PLAC8: variants seen among roughly 807,000 people sequenced by gnomAD.
PLAC8 encodes the protein placenta-specific gene 8 protein.
PLAC8 carries 6 observed loss-of-function variants against 12.6 expected under a neutral mutation model. The observed-to-expected ratio is 0.48, with a 90% CI of 0.26 to 0.94. PLAC8 has a LOEUF of 0.94. Among genes scored for constraint, PLAC8 ranks in the 40% least tolerant of loss-of-function variants. PLAC8 has a pLI of 0.14. For missense variants in PLAC8, 122 were observed against 152.7 expected, an observed-to-expected ratio of 0.80 and a Z score of 1.06; for synonymous variants, 54 against 52.6, an observed-to-expected ratio of 1.03 and a Z score of -0.11.
At chr4:83,103,277 C>T (rs867792921) in intron 3 of PLAC8, among the ~76,000 whole-genome samples, 16 of 151,864 alleles carry the variant, frequency 1.1e-4, no homozygotes, top group African/African-American at 1.5e-4. Flanking sequence ...TACCTGTAAT[C>T]TCAGCTACTC....
Position 83,093,453 on chromosome 4 carries a change from ATTATGCCATCCC to A in PLAC8, c.*9+1213_*9+1224del, listed in dbSNP as rs1239412546. ...CCCTGGGGCTGTTGCCAGGCAGGTT[ATTATGCCATCCC>A]TTGTCATCTCCCTACAATGCCCCAC... On this transcript the variant is annotated intron_variant, in intron 4 of 4. Coordinates refer to ENST00000311507, the MANE Select transcript of PLAC8 (RefSeq NM_016619.3). 3 of 152,296 alleles carry A rather than the reference ATTATGCCATCCC, an allele frequency of 2.0e-5. No individual in the cohort carries two copies. In the East Asian group the frequency reaches 5.8e-4, roughly 29 times the overall value. 9.4% of individuals were successfully genotyped at this position (152,296 alleles called of 1,614,324 possible).
intron 3 of PLAC8, among the ~76,000 whole-genome samples, chr4:83,103,568 A>G (rs1484165758): frequency 1.3e-5 from 2 of 152,210 alleles, no homozygotes; most frequent in Non-Finnish European, 2.9e-5. Context: ...AAGAAGTTCT[A>G]TTGTAGGTAA....
At chr4:83,109,365 G>T (rs991243646) in intron 1 of PLAC8, among the ~76,000 whole-genome samples, 1 of 152,094 alleles carries the variant, frequency 6.6e-6, no homozygotes, top group Non-Finnish European at 1.5e-5. Context: ...CATAATAGCC[G>T]TTCACTGCTT....
At position 83,104,906 on chromosome 4, in the gene PLAC8, T is replaced by C. The variant is rs1248423639; in HGVS notation, c.233A>G (p.Tyr78Cys). 6.2e-7 allele frequency: 1 copy of C among 1,613,998 alleles called. No individual in the cohort carries two copies. Among genetic ancestry groups the C allele is most frequent in the African/African-American group, 1.3e-5 (1 of 74,918 alleles). Residue 78 changes from tyrosine (Y) to cysteine (C), a missense_variant, in exon 3 of 5, where the codon TAT becomes TGT. Transcript: ENST00000311507. ...VAMRTLYRTR[Y>C]GIPGSICDDY... ...TGGTAAGAGACTCACAGGGATGCCATATCGGGTCCTGTAGAGAGTCCTCAT... is the reference window on the plus strand; with the variant it reads ...TGGTAAGAGACTCACAGGGATGCCACATCGGGTCCTGTAGAGAGTCCTCAT...
intron 1 of PLAC8, among the ~76,000 whole-genome samples, chr4:83,109,458 G>A (rs1732349372): frequency 1.3e-5 from 2 of 152,282 alleles, no homozygotes; most frequent in South Asian, 4.1e-4. Context: ...TCCAGTAAGT[G>A]AACAAAAAAC....
intron 3 of PLAC8, among the ~76,000 whole-genome samples, chr4:83,096,997 G>A (rs955517519): frequency 5.3e-5 from 8 of 152,170 alleles, no homozygotes; most frequent in African/African-American, 1.9e-4. Flanking sequence ...TTCTCCCGTA[G>A]TATTTCCCTC....
At chr4:83,101,887 C>T (rs1193478160) in intron 3 of PLAC8, among the ~76,000 whole-genome samples, 2 of 152,164 alleles carry the variant, frequency 1.3e-5, no homozygotes, top group Non-Finnish European at 2.9e-5. Context: ...AACCTGATGA[C>T]AGCACGTGTT....
At chr4:83,105,981 T>C (rs1732227777) in intron 2 of PLAC8, among the ~76,000 whole-genome samples, 2 of 152,060 alleles carry the variant, frequency 1.3e-5, no homozygotes, top group South Asian at 4.1e-4. Context: ...ACTGAGTGTG[T>C]AATTCTTTTT....
rs11352744 is a variant in PLAC8 at position 83,096,406 on chromosome 4, C to CA, written c.244-1616dup. On this transcript the variant is annotated intron_variant, in intron 3 of 4. Transcript: ENST00000311507. ...AAAATATTTATCATTTTGTGAATTA[C>CA]AAAAAAAAAATGCTTATTGACAACA... 6.5e-3 allele frequency among the ~76,000 whole-genome samples: 983 copies of CA among 151,742 alleles called. 5 individuals carry two copies. The highest frequency in any genetic ancestry group is 0.021 in the African/African-American group (872 of 41,370).
At chr4:83,096,165 C>G (rs1560451957) in intron 3 of PLAC8, among the ~76,000 whole-genome samples, 1 of 152,210 alleles carries the variant, frequency 6.6e-6, no homozygotes. Flanking sequence ...AACTACGTTT[C>G]TCCCAAAGTT....
intron 4 of PLAC8, among the ~76,000 whole-genome samples, chr4:83,092,654 TA>T: frequency 6.6e-6 from 1 of 152,128 alleles, no homozygotes; most frequent in Non-Finnish European, 1.5e-5. Context: ...CTAAGGCCTT[TA>T]AAATCTTTTA....
chr4:83,098,354 A>C (rs1398354978), intron 3 of PLAC8, among the ~76,000 whole-genome samples: 3 of 152,242 alleles, frequency 2.0e-5, no homozygotes, highest in Non-Finnish European at 4.4e-5. Context: ...GTGGGGCCAG[A>C]ATCTGGGCCC....
chr4:83,097,110 T>A (rs1731956705), intron 3 of PLAC8, among the ~76,000 whole-genome samples: 1 of 152,194 alleles, frequency 6.6e-6, no homozygotes, highest in African/African-American at 2.4e-5. Context: ...TAGAAACGCA[T>A]GCTGTCCCAG....
chr4:83,104,575 C>T (rs1335895495), intron 3 of PLAC8, among the ~76,000 whole-genome samples: 1 of 152,184 alleles, frequency 6.6e-6, no homozygotes, highest in Non-Finnish European at 1.5e-5. Flanking sequence ...GACCTACCCA[C>T]TTTACAGAGA....
At chr4:83,105,316 T>C (rs1732208837) in intron 2 of PLAC8, among the ~76,000 whole-genome samples, 1 of 152,240 alleles carries the variant, frequency 6.6e-6, no homozygotes, top group South Asian at 2.1e-4. Context: ...TTATCCTCAG[T>C]ACTGACAGTG....
At chr4:83,107,231 A>G (rs1412985742) in intron 2 of PLAC8, among the ~76,000 whole-genome samples, 1 of 152,066 alleles carries the variant, frequency 6.6e-6, no homozygotes, top group African/African-American at 2.4e-5. Context: ...AACAAAAAAA[A>G]AAACAAAGCA....
chr4:83,094,660 A>G lies in PLAC8; in HGVS notation c.*9+18T>C. On this transcript the variant is annotated intron_variant, in intron 4 of 4. Transcript: ENST00000311507. ...TAAAAACCCACATGTTCTGAGAGGC[A>G]TGTTTGCATTGACTCACCATCAGTT... The G allele has an allele frequency of 7.9e-7, 1 of 1,263,504 alleles. No individual in the cohort carries two copies. The highest frequency in any genetic ancestry group is 1.1e-6 in the Non-Finnish European group (1 of 872,310). The allele number at this position is 1,263,504 out of a possible 1,614,324, so 78.3% of individuals were successfully genotyped here. A position where few individuals can be genotyped will look rare whatever the true frequency, so the allele number is the denominator to read the frequency against.
At chr4:83,103,062 G>A (rs558958041) in intron 3 of PLAC8, among the ~76,000 whole-genome samples, 1 of 145,312 alleles carries the variant, frequency 6.9e-6, no homozygotes, top group East Asian at 2.1e-4. Flanking sequence ...CTCCAGCCTG[G>A]GTGACAGAGC....
intron 3 of PLAC8, among the ~76,000 whole-genome samples, chr4:83,101,992 C>T (rs1325610257): frequency 6.6e-5 from 10 of 152,038 alleles, no homozygotes; most frequent in Admixed American, 6.6e-4. Context: ...TAACAATGTA[C>T]CTAGACATCC....
Sources: gnomAD v4.1 joint callset for allele counts (sites outside exome capture counted in the v4.1 genomes callset) on GRCh38, gnomAD v4.1.1 for gene constraint, MANE v1.5 for transcripts, NCBI Gene and HGNC (gene_info 2026-07-23, HGNC 2026-07-21) for gene names.